SMC1A: variants seen among roughly 807,000 people sequenced by gnomAD.
SMC1A encodes the protein structural maintenance of chromosomes 1A.
A neutral mutation model predicts 94.5 loss-of-function variants in SMC1A; 4 were observed. That is an observed-to-expected ratio of 0.04 (90% CI 0.02 to 0.10). The LOEUF (loss-of-function observed/expected upper bound fraction) is 0.10. SMC1A is among the 10% of genes least tolerant of loss of function. The probability of loss-of-function intolerance (pLI) is 1.00; values close to 1 mark genes in which losing one functional copy is unlikely to be tolerated. For synonymous variants in SMC1A, 345 were observed against 347.7 expected, an observed-to-expected ratio of 0.99 and a Z score of 0.09; for missense variants, 304 against 989.0, an observed-to-expected ratio of 0.31 and a Z score of 9.29.
rs186741849 is a variant in SMC1A at position 53,419,173 on chromosome X, C to G, written c.109+3319G>C. On this transcript the variant is annotated intron_variant, in intron 1 of 24. Coordinates refer to ENST00000322213, the MANE Select transcript of SMC1A (RefSeq NM_006306.4). ...GACTTTGAACTGAAGATCTGATTTC[C>G]AACACCTTTCTACTCAGCCATAAAA... 5.9e-3 allele frequency among the ~76,000 whole-genome samples: 642 copies of G among 109,456 alleles called. 4 individuals carry two copies. Among genetic ancestry groups the G allele is most frequent in the African/African-American group, 0.02 (612 of 30,069 alleles).
chrX:53,381,919 G>C lies in SMC1A; in HGVS notation c.3437+313C>G, dbSNP rs1556885942. 18 of 365,893 alleles carry C rather than the reference G, an allele frequency of 4.9e-5. No homozygotes were observed. The South Asian group carries it at 5.8e-4, about 12-fold the overall frequency. The allele number at this position is 365,893 out of a possible 1,213,427, so 30.2% of individuals were successfully genotyped here. On this transcript the variant is annotated intron_variant, in intron 22 of 24. Transcript: ENST00000322213. ...GAGGAGAATGAGGAAGGGTGAAGGG[G>C]TGAAAGGTGATGATCAAGCTAGATT...
intron 19 of SMC1A, among the ~76,000 whole-genome samples, chrX:53,383,720 T>C (rs1200977276): frequency 8.9e-6 from 1 of 112,615 alleles, no homozygotes; most frequent in Non-Finnish European, 1.9e-5. Context: ...TTTTAGTTCT[T>C]ATGGATATTG....
At chrX:53,403,271 T>TTA (rs1316475451) in intron 15 of SMC1A, among the ~76,000 whole-genome samples, 1 of 108,712 alleles carries the variant, frequency 9.2e-6, no homozygotes, top group East Asian at 2.9e-4. Context: ...ATAGGTATCA[T>TTA]TATACCATTT....
chrX:53,395,343 AAAAAAT>A (rs1267839517), intron 18 of SMC1A, among the ~76,000 whole-genome samples: 72 of 111,913 alleles, frequency 6.4e-4, no homozygotes, highest in Middle Eastern at 4.6e-3. Flanking sequence ...ACTCTGTCTC[AAAAAAT>A]AAAAATAAAA....
Position 53,378,055 on chromosome X carries a change from A to AT in SMC1A, c.*2047dup, listed in dbSNP as rs1257026078. The AT allele has an allele frequency of 8.9e-6, 1 of 112,616 alleles. No individual in the cohort carries two copies. Among genetic ancestry groups the AT allele is most frequent in the Non-Finnish European group, 1.9e-5 (1 of 53,353 alleles). 9.3% of individuals were successfully genotyped at this position (112,616 alleles called of 1,213,427 possible). ...ACACATCAAACCTGTGATTTCACAG[A>AT]TATCACTACTTGGGATGAAAATGAT... On this transcript the variant is annotated 3_prime_UTR_variant, in exon 25 of 25. Transcript: ENST00000322213.
At chrX:53,387,512 A>G (rs942987164) in intron 19 of SMC1A, among the ~76,000 whole-genome samples, 1 of 112,146 alleles carries the variant, frequency 8.9e-6, no homozygotes, top group Non-Finnish European at 1.9e-5. Context: ...CAACAAAAAA[A>G]CCGCATTTAA....
chrX:53,393,243 G>A (rs1196917694), intron 19 of SMC1A, among the ~76,000 whole-genome samples: 1 of 110,667 alleles, frequency 9.0e-6, no homozygotes. Context: ...GTAACATCAA[G>A]GGGACATAAT....
In SMC1A at chrX:53,382,502, C is replaced by T. The variant is rs1459975526; in HGVS notation, c.3285+4G>A. 8 of 1,207,039 alleles carry T rather than the reference C, an allele frequency of 6.6e-6. No homozygotes were observed. Among genetic ancestry groups the T allele is most frequent in the Non-Finnish European group, 7.8e-6 (7 of 893,712 alleles). On this transcript the variant is annotated splice_donor_region_variant and intron_variant, in intron 21 of 24. Transcript: ENST00000322213. ...AGCTGGTTGGGTAAGGGGCTCCAGC[C>T]TACCTGGGCACTGCTATTGCGGGAC...
At chrX:53,390,973 CAAAAAAAAAAAAAAA>C (rs782771730) in intron 19 of SMC1A, among the ~76,000 whole-genome samples, 1 of 34,323 alleles carries the variant, frequency 2.9e-5, no homozygotes, top group Non-Finnish European at 4.4e-5. Context: ...GACTCCGTCT[CAAAAAAAAAAAAAAA>C]AAAAAAAAAG....
In SMC1A at chrX:53,388,316, C is replaced by T. The variant is rs1341421995; in HGVS notation, c.2974-5063G>A. ...CTTAGCACGTGATATTTGGCTAGTG[C>T]AACTGAGGAGATAAAATCTTAATTT... On this transcript the variant is annotated intron_variant, in intron 19 of 24. Coordinates refer to ENST00000322213, the MANE Select transcript of SMC1A (RefSeq NM_006306.4). Among the ~76,000 whole-genome samples the T allele has an allele frequency of 2.7e-5, 3 of 111,010 alleles. No individual in the cohort carries two copies. The East Asian group carries it at 8.4e-4, about 31-fold the overall frequency.
chrX:53,414,716 C>T, intron 3 of SMC1A, 42 bp downstream of exon 3: 1 of 877,515 alleles, frequency 1.1e-6, no homozygotes, highest in Non-Finnish European at 1.7e-6. Flanking sequence ...GGGACATGGT[C>T]TGGCAAAAAC....
chrX:53,380,645 T>C lies in SMC1A; in HGVS notation c.3593A>G (p.Glu1198Gly). The C allele has an allele frequency of 8.3e-7, 1 of 1,205,164 alleles. No individual in the cohort carries two copies. The highest frequency in any genetic ancestry group is 1.1e-6 in the Non-Finnish European group (1 of 889,586). Residue 1198 changes from glutamate to glycine, a missense_variant, in exon 24 of 25, where the codon GAG (glutamate) becomes GGG (glycine). Coordinates refer to ENST00000322213, the MANE Select transcript of SMC1A (RefSeq NM_006306.4). ...CTCAGGATAGACTCCAATGAGGCTC[T>C]CGGCCTTGGTGTAGAACTCCTCCTT... Reference protein sequence around the residue: ...SLKEEFYTKAESLIGVYPEQG... With the variant: ...SLKEEFYTKAGSLIGVYPEQG...
At chrX:53,422,392 C>T (rs1556892322) in intron 1 of SMC1A, 100 bp downstream of exon 1, 11 of 603,859 alleles carry the variant, frequency 1.8e-5, no homozygotes, top group Non-Finnish European at 2.2e-5. Flanking sequence ...CGTAAGGGTC[C>T]GCGACGTTTC....
At chrX:53,399,488 G>T in intron 16 of SMC1A, 101 bp downstream of exon 16, 1 of 821,883 alleles carries the variant, frequency 1.2e-6, no homozygotes, top group Non-Finnish European at 1.8e-6. Flanking sequence ...TGATTTAGAT[G>T]AGAAATTTCT....
intron 9 of SMC1A, among the ~76,000 whole-genome samples, chrX:53,408,377 T>C (rs782198452): frequency 1.8e-5 from 2 of 111,475 alleles, no homozygotes; most frequent in East Asian, 2.8e-4. Flanking sequence ...GTTCCCTTCC[T>C]GCAGCCTCCA....
intron 19 of SMC1A, among the ~76,000 whole-genome samples, chrX:53,388,996 CA>C (rs782012322): frequency 0.023 from 715 of 31,313 alleles, 4 homozygotes; most frequent in African/African-American, 0.058. Flanking sequence ...GACTCCATCT[CA>C]AAAAAAAAAA....
At chrX:53,390,284 G>A (rs1238470128) in intron 19 of SMC1A, among the ~76,000 whole-genome samples, 1 of 107,941 alleles carries the variant, frequency 9.3e-6, no homozygotes, top group Non-Finnish European at 1.9e-5. Flanking sequence ...TCAGGAGTTC[G>A]AGAACAGCTT....
At position 53,413,158 on chromosome X, in the gene SMC1A, G is replaced by A; in HGVS notation, c.616-20C>T. ...GTCAGCCTGTGCAAACAGGGGAATG[G>A]TGGCAGGGGTGCATCGATAAGGCAC... On this transcript the variant is annotated intron_variant, in intron 4 of 24. Coordinates refer to ENST00000322213, the MANE Select transcript of SMC1A (RefSeq NM_006306.4). 1 of 1,211,663 alleles carries A rather than the reference G, an allele frequency of 8.3e-7. No individual in the cohort carries two copies. Among genetic ancestry groups the A allele is most frequent in the Non-Finnish European group, 1.1e-6 (1 of 895,558 alleles).
intron 19 of SMC1A, among the ~76,000 whole-genome samples, chrX:53,387,778 T>C (rs979250868): frequency 9.0e-6 from 1 of 111,344 alleles, no homozygotes; most frequent in African/African-American, 3.3e-5. Flanking sequence ...TGAGTCACCA[T>C]TGGCCAAAGA....
Sources: gnomAD v4.1 joint callset for allele counts (sites outside exome capture counted in the v4.1 genomes callset) on GRCh38, gnomAD v4.1.1 for gene constraint, MANE v1.5 for transcripts, NCBI Gene and HGNC (gene_info 2026-07-23, HGNC 2026-07-21) for gene names.